The following ANO6 variants were observed in gnomAD, a reference collection of about 807,000 sequenced individuals.
ANO6 encodes the protein anoctamin-6.
Under a neutral mutation model 117.5 loss-of-function variants are expected in ANO6, and 106 were observed. That is an observed-to-expected ratio of 0.90 (90% CI 0.77 to 1.06). The LOEUF (loss-of-function observed/expected upper bound fraction) is 1.06. ANO6 is among the 50% of genes least tolerant of loss of function. The pLI, the probability that ANO6 is intolerant of heterozygous loss-of-function variation, is 0.00. For missense variants in ANO6, 955 were observed against 1,121.1 expected (o/e 0.85, Z 2.12); for synonymous variants, 367 against 385.1 (o/e 0.95, Z 0.55).
At chr12:45,363,428 G>A (rs768546700) in intron 8 of ANO6, among the ~76,000 whole-genome samples, 2 of 151,984 alleles carry the variant, frequency 1.3e-5, no homozygotes, top group Non-Finnish European at 2.9e-5. Context: ...GCCGGGCATG[G>A]TGACATGCGC....
At chr12:45,268,932 T>C (rs1938303891) in intron 1 of ANO6, among the ~76,000 whole-genome samples, 1 of 152,214 alleles carries the variant, frequency 6.6e-6, no homozygotes, top group Admixed American at 6.5e-5. Flanking sequence ...CTTCCACCCA[T>C]TGGCAAGGGG....
chr12:45,294,490 AG>A (rs576274901), intron 1 of ANO6, among the ~76,000 whole-genome samples: 1 of 152,246 alleles, frequency 6.6e-6, no homozygotes, highest in South Asian at 2.1e-4. Flanking sequence ...AGGTGCAGGG[AG>A]GGAGGGAAAG....
At chr12:45,249,811 A>T (rs1423288007) in intron 1 of ANO6, among the ~76,000 whole-genome samples, 2 of 152,212 alleles carry the variant, frequency 1.3e-5, no homozygotes, top group Non-Finnish European at 2.9e-5. Flanking sequence ...GTATGCCAAT[A>T]CCTTGTGTCC....
Position 45,437,499 on chromosome 12 carries a change from TTTCTAA to T in ANO6, c.2527-2168_2527-2163del, listed in dbSNP as rs547393091. 1.7e-3 allele frequency among the ~76,000 whole-genome samples: 257 copies of T among 152,354 alleles called. 2 individuals carry two copies. Among genetic ancestry groups the T allele is most frequent in the African/African-American group, 5.8e-3 (242 of 41,590 alleles). ...TCTGTTTTCATTTCTAATACAGTAA[TTTCTAA>T]TTCTAATACAGTATTTACTATATTC... is the stretch of plus-strand genomic sequence containing the variant. On this transcript the variant is annotated intron_variant, in intron 19 of 19. Transcript: ENST00000425752.
intron 2 of ANO6, among the ~76,000 whole-genome samples, chr12:45,313,043 C>T (rs755573425): frequency 1.9e-4 from 29 of 152,068 alleles, no homozygotes; most frequent in South Asian, 6.2e-4. Context: ...GTATCACTAC[C>T]ATGTCATGTA....
chr12:45,356,037 C>T (rs530792410), intron 7 of ANO6, among the ~76,000 whole-genome samples: 1 of 152,330 alleles, frequency 6.6e-6, no homozygotes, highest in South Asian at 2.1e-4. Flanking sequence ...CCTGAACCAT[C>T]TCTTCATTCC....
At chr12:45,301,742 G>T (rs995699462) in intron 1 of ANO6, among the ~76,000 whole-genome samples, 12 of 152,182 alleles carry the variant, frequency 7.9e-5, no homozygotes, top group Admixed American at 7.2e-4. Context: ...TTTGCTTGCT[G>T]TGTACCAGTT....
chr12:45,233,297 C>A (rs1947601156), intron 1 of ANO6, among the ~76,000 whole-genome samples: 1 of 152,162 alleles, frequency 6.6e-6, no homozygotes, highest in Non-Finnish European at 1.5e-5. Flanking sequence ...ATAGCCAAAG[C>A]ACCCTAGTAA....
At chr12:45,369,317 T>C (rs1381266043) in intron 9 of ANO6, among the ~76,000 whole-genome samples, 1 of 152,198 alleles carries the variant, frequency 6.6e-6, no homozygotes, top group Admixed American at 6.5e-5. Context: ...GCACTGGCTT[T>C]AAGGCAGATG....
chr12:45,269,987 C>A (rs1430534519), intron 1 of ANO6, among the ~76,000 whole-genome samples: 5 of 152,160 alleles, frequency 3.3e-5, no homozygotes, highest in Non-Finnish European at 7.4e-5. Flanking sequence ...GAGGCCACCT[C>A]CAGAGATCTG....
intron 10 of ANO6, among the ~76,000 whole-genome samples, chr12:45,385,498 T>C (rs745995418): frequency 1.3e-5 from 2 of 152,176 alleles, no homozygotes; most frequent in Non-Finnish European, 2.9e-5. Context: ...GGGTGGTGTA[T>C]GTTATGCTGC....
intron 1 of ANO6, among the ~76,000 whole-genome samples, chr12:45,284,854 A>T (rs1461417115): frequency 2.6e-5 from 4 of 152,250 alleles, no homozygotes; most frequent in African/African-American, 9.6e-5. Context: ...AGATGAAACC[A>T]CAAAGGACCA....
At chr12:45,376,676 G>T in intron 9 of ANO6, among the ~76,000 whole-genome samples, 1 of 146,816 alleles carries the variant, frequency 6.8e-6, no homozygotes, top group African/African-American at 2.5e-5. Context: ...CACAGGAAGG[G>T]GAACATCACA....
At chr12:45,388,444 A>G in intron 11 of ANO6, 141 bp downstream of exon 11, 2 of 1,096,844 alleles carry the variant, frequency 1.8e-6, no homozygotes. Context: ...GTACTTAGTA[A>G]CCTGGGGGTA....
chr12:45,320,571 G>A (rs1181022885), intron 2 of ANO6, among the ~76,000 whole-genome samples: 1 of 152,162 alleles, frequency 6.6e-6, no homozygotes, highest in African/African-American at 2.4e-5. Context: ...GGTGCGGTGT[G>A]GTGCTGAGAA....
intron 19 of ANO6, among the ~76,000 whole-genome samples, chr12:45,425,693 T>C (rs1010116538): frequency 1.3e-5 from 2 of 152,210 alleles, no homozygotes; most frequent in Admixed American, 1.3e-4. Flanking sequence ...GATACCAAGC[T>C]TTTTAAAACA....
chr12:45,240,379 TTTTTTTTTGC>T (rs1947722113), intron 1 of ANO6, among the ~76,000 whole-genome samples: 1 of 116,996 alleles, frequency 8.5e-6, no homozygotes, highest in African/African-American at 3.4e-5. Context: ...TTTTTTTTTT[TTTTTTTTTGC>T]TTTCCATTTG....
At chr12:45,296,693 A>G (rs191608744) in intron 1 of ANO6, among the ~76,000 whole-genome samples, 1 of 152,294 alleles carries the variant, frequency 6.6e-6, no homozygotes, top group African/African-American at 2.4e-5. Flanking sequence ...CAGGAGACAA[A>G]TTAATGTATT....
chr12:45,317,787 C>T (rs1448853250), intron 2 of ANO6, among the ~76,000 whole-genome samples: 15 of 152,050 alleles, frequency 9.9e-5, no homozygotes, highest in South Asian at 2.1e-4. Flanking sequence ...GCACCTGTTG[C>T]TTCCTGACTT....
Sources: allele counts gnomAD v4.1 joint callset (sites outside exome capture counted in the v4.1 genomes callset), GRCh38; gene constraint gnomAD v4.1.1; transcripts MANE v1.5; gene names NCBI Gene and HGNC (gene_info 2026-07-23, HGNC 2026-07-21).